The following CEP83 variants were observed in gnomAD, a reference collection of about 807,000 sequenced individuals.
The protein encoded by CEP83 is centrosomal protein 83, also known as centrosomal protein of 83 kDa.
In CEP83, 70 loss-of-function variants were observed where a neutral mutation model predicts 101.9. The ratio of observed to expected loss-of-function variants is 0.69; its 90% CI spans 0.57 to 0.84. The LOEUF is 0.84. Ranked by LOEUF, CEP83 falls within the 40% of genes least tolerant of loss-of-function variation. The probability of loss-of-function intolerance (pLI) is 0.00; values close to 1 mark genes in which losing one functional copy is unlikely to be tolerated. For synonymous variants in CEP83, 264 were observed against 267.9 expected, an observed-to-expected ratio of 0.99 and a Z score of 0.14; for missense variants, 715 against 787.2, an observed-to-expected ratio of 0.91 and a Z score of 1.10.
At chr12:94,409,628 T>A (rs1202409171) in intron 4 of CEP83, among the ~76,000 whole-genome samples, 1 of 152,188 alleles carries the variant, frequency 6.6e-6, no homozygotes, top group Non-Finnish European at 1.5e-5. Flanking sequence ...GTTGCCATAA[T>A]AAAATACCAG....
chr12:94,271,311 T>C, the CEP83 span, among the ~76,000 whole-genome samples: 11,293 of 152,256 alleles, frequency 0.074, 467 homozygotes, highest in African/African-American at 0.1. Flanking sequence ...CTGCTTTTAT[T>C]AGCCAAGAAT....
At chr12:94,427,502 C>T (rs190103429) in intron 2 of CEP83, among the ~76,000 whole-genome samples, 1 of 152,282 alleles carries the variant, frequency 6.6e-6, no homozygotes, top group East Asian at 1.9e-4. Flanking sequence ...TGACTAGTCC[C>T]AGCTTTACAG....
At chr12:94,448,196 T>C (rs2066949356) in intron 1 of CEP83, among the ~76,000 whole-genome samples, 1 of 151,756 alleles carries the variant, frequency 6.6e-6, no homozygotes, top group African/African-American at 2.4e-5. Context: ...GATTTTAAGA[T>C]AAGAAATATT....
At chr12:94,338,077 A>T (rs868304907) in intron 11 of CEP83, among the ~76,000 whole-genome samples, 18 of 152,318 alleles carry the variant, frequency 1.2e-4, no homozygotes, top group Middle Eastern at 3.4e-3. Flanking sequence ...GAGAAAGAAA[A>T]GATATTTATG....
chr12:94,382,245 CTT>C (rs1652957865), intron 6 of CEP83, among the ~76,000 whole-genome samples: 1 of 151,832 alleles, frequency 6.6e-6, no homozygotes. Context: ...TATCTTCCAT[CTT>C]TTTTGTTAGT....
chr12:94,273,771 C>G, the CEP83 span, among the ~76,000 whole-genome samples: 5 of 152,274 alleles, frequency 3.3e-5, no homozygotes, highest in East Asian at 9.6e-4. Context: ...TCTACCTCAG[C>G]ATCCACAAAA....
chr12:94,403,239 T>C lies in CEP83; in HGVS notation c.348A>G (p.Glu116=), dbSNP rs566796695. ...CTTGTTGTATTTGGGCTCTTAGCAA[T>C]TCCAATTTTTGTGGAGTTAATATCT... is the stretch of plus-strand genomic sequence containing the variant. The part of the protein sequence containing the change: ...KLQILTPQKL[E]LLRAQIQQEL... The change falls in exon 5 of 17, where the codon GAA becomes GAG. Residue 116 remains glutamate, a synonymous_variant. Coordinates refer to ENST00000397809, the MANE Select transcript of CEP83 (RefSeq NM_016122.3). 1.3e-6 allele frequency: 2 copies of C among 1,559,634 alleles called. No individual in the cohort carries two copies. The highest frequency in any genetic ancestry group is 1.4e-5 in the African/African-American group (1 of 73,864).
At chr12:94,280,297 C>T in the CEP83 span, 1 of 160,090 alleles carries the variant, frequency 6.2e-6, no homozygotes, top group Non-Finnish European at 1.4e-5. Context: ...GTGCAGTCCT[C>T]CCAGGAGACT....
At chr12:94,373,897 ATAT>A (rs2061410573) in intron 8 of CEP83, among the ~76,000 whole-genome samples, 2 of 152,228 alleles carry the variant, frequency 1.3e-5, no homozygotes, top group African/African-American at 4.8e-5. Context: ...CATGTTTGAA[ATAT>A]TATTTTAAAA....
intron 6 of CEP83, among the ~76,000 whole-genome samples, chr12:94,391,008 A>G (rs2062490553): frequency 6.6e-6 from 1 of 152,240 alleles, no homozygotes; most frequent in Non-Finnish European, 1.5e-5. Context: ...TGACTGGTGT[A>G]TCTGAAAGTG....
At chr12:94,387,756 TAAAGTAGGC>T (rs1211904632) in intron 6 of CEP83, among the ~76,000 whole-genome samples, 1 of 151,742 alleles carries the variant, frequency 6.6e-6, no homozygotes, top group Non-Finnish European at 1.5e-5. Flanking sequence ...AACCCCATAA[TAAAGTAGGC>T]AAAGTACATA....
chr12:94,395,557 G>C (rs546323030), intron 6 of CEP83, among the ~76,000 whole-genome samples: 1 of 151,828 alleles, frequency 6.6e-6, no homozygotes, highest in South Asian at 2.1e-4. Flanking sequence ...GTGGTGACTC[G>C]GGACGCCTGT....
At chr12:94,425,848 C>T (rs188564537) in intron 2 of CEP83, among the ~76,000 whole-genome samples, 4 of 152,060 alleles carry the variant, frequency 2.6e-5, no homozygotes, top group African/African-American at 4.8e-5. Context: ...CAGGCCAGTG[C>T]GGTGGCTCAC....
intron 8 of CEP83, among the ~76,000 whole-genome samples, chr12:94,371,399 A>G (rs554154330): frequency 6.6e-6 from 1 of 152,332 alleles, no homozygotes; most frequent in Non-Finnish European, 1.5e-5. Context: ...AGTATTAGGT[A>G]GGGGATTGGG....
In CEP83 at chr12:94,331,207, C is replaced by T. The variant is rs569116339; in HGVS notation, c.1707+493G>A. ...TCGAAAGGCTGAGGTATGAGAATCG[C>T]TTGAACCCAGGGGATGGAGGTTGCA... is the stretch of plus-strand genomic sequence containing the variant. On this transcript the variant is annotated intron_variant, in intron 14 of 16. Transcript: ENST00000397809. 2.8e-5 allele frequency among the ~76,000 whole-genome samples: 4 copies of T among 140,462 alleles called. No individual in the cohort carries two copies. The South Asian group carries it at 9.0e-4, about 32-fold the overall frequency. The allele number at this position is 140,462 out of a possible 152,430, so 92.1% of individuals were successfully genotyped here. A position where few individuals can be genotyped will look rare whatever the true frequency, so the allele number is the denominator to read the frequency against.
At chr12:94,429,504 T>C (rs2086700033) in intron 2 of CEP83, among the ~76,000 whole-genome samples, 1 of 152,226 alleles carries the variant, frequency 6.6e-6, no homozygotes, top group Non-Finnish European at 1.5e-5. Flanking sequence ...CACCTTGTGC[T>C]TGGGCTTAAC....
At chr12:94,319,926 G>T (rs1971361973) in intron 14 of CEP83, among the ~76,000 whole-genome samples, 1 of 152,022 alleles carries the variant, frequency 6.6e-6, no homozygotes, top group African/African-American at 2.4e-5. Flanking sequence ...TCTTCCTCAA[G>T]GATTTAATAC....
intron 5 of CEP83, among the ~76,000 whole-genome samples, chr12:94,401,986 G>A (rs1442719479): frequency 6.6e-6 from 1 of 152,180 alleles, no homozygotes; most frequent in East Asian, 1.9e-4. Flanking sequence ...GGCCCATTTT[G>A]AAGGGGACAA....
the CEP83 span, among the ~76,000 whole-genome samples, chr12:94,272,830 G>A: frequency 6.6e-6 from 1 of 152,192 alleles, no homozygotes; most frequent in Non-Finnish European, 1.5e-5. Context: ...AGATTCAGTG[G>A]GTTCTGTGGG....
Sources: gnomAD v4.1 joint callset for allele counts (sites outside exome capture counted in the v4.1 genomes callset) on GRCh38, gnomAD v4.1.1 for gene constraint, MANE v1.5 for transcripts, NCBI Gene and HGNC (gene_info 2026-07-23, HGNC 2026-07-21) for gene names.